Variants in ADAMTSL1 observed in about 807,000 individuals in gnomAD.
ADAMTSL1 encodes ADAMTS like 1, also known as ADAMTS-like protein 1.
Under a neutral mutation model 201.8 loss-of-function variants are expected in ADAMTSL1, and 126 were observed. The observed-to-expected ratio is 0.62, with a 90% CI of 0.54 to 0.72. The LOEUF (loss-of-function observed/expected upper bound fraction) is 0.72, where lower values mean the gene tolerates loss of function less well. Ranked by LOEUF, ADAMTSL1 falls within the 30% of genes least tolerant of loss-of-function variation. The pLI is 0.00. For missense variants in ADAMTSL1, 2,679 were observed against 2,277.8 expected (o/e 1.18, Z -3.59); for synonymous variants, 1,121 against 903.4 (o/e 1.24, Z -4.32).
intron 2 of ADAMTSL1, among the ~76,000 whole-genome samples, chr9:18,268,855 T>A (rs1405300961): frequency 6.6e-6 from 1 of 152,162 alleles, no homozygotes; most frequent in Non-Finnish European, 1.5e-5. Flanking sequence ...TTTTCTTGAG[T>A]TCTTTTTCTC....
chr9:18,310,322 C>T (rs961508229), intron 2 of ADAMTSL1, among the ~76,000 whole-genome samples: 1 of 75,988 alleles, frequency 1.3e-5, no homozygotes, highest in African/African-American at 4.9e-5. Flanking sequence ...CAACAAAAAA[C>T]AAAATTGACA....
Position 18,817,218 on chromosome 9 carries a change from A to C in ADAMTSL1, c.3915A>C (p.Thr1305=). The C allele has an allele frequency of 1.9e-6, 3 of 1,557,914 alleles. No homozygotes were observed. Among genetic ancestry groups the C allele is most frequent in the Non-Finnish European group, 1.7e-6 (2 of 1,150,216 alleles). The part of the protein sequence containing the change: ...TIKTVQGVNV[T]INCQVAGVPE... Reference sequence around the variant, plus strand: ...AAACAGTGCAGGGAGTGAATGTGACAATCAACTGCCAGGTTGCAGGTGAGA... The same window carrying C: ...AAACAGTGCAGGGAGTGAATGTGACCATCAACTGCCAGGTTGCAGGTGAGA... Residue 1305 remains threonine (T), a synonymous_variant, in exon 21 of 29, where the codon ACA becomes ACC. Coordinates refer to ENST00000380548, the MANE Select transcript of ADAMTSL1 (RefSeq NM_001040272.6).
At chr9:18,149,376 T>C (rs956132098) in intron 1 of ADAMTSL1, among the ~76,000 whole-genome samples, 5 of 152,000 alleles carry the variant, frequency 3.3e-5, no homozygotes, top group African/African-American at 1.2e-4. Context: ...GAAAAAATGG[T>C]TGGAGACGAG....
chr9:18,265,188 CCTT>C (rs1051190982), intron 2 of ADAMTSL1, among the ~76,000 whole-genome samples: 1 of 152,154 alleles, frequency 6.6e-6, no homozygotes, highest in African/African-American at 2.4e-5. Flanking sequence ...ATACTGGCCT[CCTT>C]CTGCTCTTTA....
chr9:18,381,934 T>C (rs1837577355), intron 2 of ADAMTSL1, among the ~76,000 whole-genome samples: 1 of 152,168 alleles, frequency 6.6e-6, no homozygotes. Flanking sequence ...CGATGTTTTC[T>C]TTTTCCCTTC....
chr9:18,825,989 T>A, intron 21 of ADAMTSL1: 1 of 556,534 alleles, frequency 1.8e-6, no homozygotes, highest in South Asian at 2.7e-5. Context: ...CTCCTCTTTG[T>A]ACTGGCCTCC....
At chr9:18,801,399 A>T (rs557267782) in intron 20 of ADAMTSL1, among the ~76,000 whole-genome samples, 1 of 152,172 alleles carries the variant, frequency 6.6e-6, no homozygotes, top group African/African-American at 2.4e-5. Flanking sequence ...TTTTAGGTTC[A>T]GGGGTTGAAT....
chr9:18,201,904 CT>C (rs1829463902), intron 2 of ADAMTSL1, among the ~76,000 whole-genome samples: 1 of 152,168 alleles, frequency 6.6e-6, no homozygotes, highest in African/African-American at 2.4e-5. Context: ...GTATAAAACA[CT>C]TAGAAATACC....
intron 1 of ADAMTSL1, among the ~76,000 whole-genome samples, chr9:17,921,340 A>C (rs1286215866): frequency 1.3e-5 from 2 of 152,100 alleles, no homozygotes; most frequent in Non-Finnish European, 2.9e-5. Context: ...TCCTTGTTTT[A>C]TCTCTCTGCC....
chr9:18,832,144 C>T (rs984157130), intron 23 of ADAMTSL1, among the ~76,000 whole-genome samples: 1 of 152,300 alleles, frequency 6.6e-6, no homozygotes, highest in East Asian at 1.9e-4. Flanking sequence ...TCAGCCACAG[C>T]TTGTCCATTC....
At chr9:18,769,268 C>A (rs946493965) in intron 16 of ADAMTSL1, among the ~76,000 whole-genome samples, 2 of 152,212 alleles carry the variant, frequency 1.3e-5, no homozygotes, top group African/African-American at 4.8e-5. Context: ...GGGCACTCCT[C>A]CAGCAAAGCA....
Position 17,961,058 on chromosome 9 carries a change from T to C in ADAMTSL1, c.87+54136T>C, listed in dbSNP as rs150952521. Among the ~76,000 whole-genome samples, 113 of 152,314 alleles carry C rather than the reference T, an allele frequency of 7.4e-4. 2 individuals carry two copies. Among genetic ancestry groups the C allele is most frequent in the African/African-American group, 2.5e-3 (104 of 41,582 alleles). ...TTAATTTTCCTGTGTGCCATTTATC[T>C]ACCTTGGAAATTTAGAAGTTTTGAG... On this transcript the variant is annotated intron_variant, in intron 1 of 29. Transcript: ENST00000680146.
intron 3 of ADAMTSL1, among the ~76,000 whole-genome samples, chr9:18,569,333 G>C (rs138742532): frequency 6.6e-6 from 1 of 152,128 alleles, no homozygotes; most frequent in African/African-American, 2.4e-5. Context: ...GCTCTGACAC[G>C]GTTAGAATTG....
At chr9:18,487,165 AC>A (rs1422106493) in intron 1 of ADAMTSL1, among the ~76,000 whole-genome samples, 4 of 152,180 alleles carry the variant, frequency 2.6e-5, no homozygotes, top group Non-Finnish European at 5.9e-5. Context: ...TGAAAAAATA[AC>A]TCCTAAGTTA....
intron 4 of ADAMTSL1, among the ~76,000 whole-genome samples, chr9:18,585,960 A>C (rs183874880): frequency 2.0e-5 from 3 of 152,220 alleles, no homozygotes; most frequent in Non-Finnish European, 4.4e-5. Context: ...AGAGTCATCT[A>C]TGACAAGCCC....
intron 15 of ADAMTSL1, among the ~76,000 whole-genome samples, chr9:18,748,752 C>T (rs1200372253): frequency 1.3e-5 from 2 of 152,180 alleles, no homozygotes; most frequent in East Asian, 1.9e-4. Flanking sequence ...GCACCATGCT[C>T]AACACTGAGG....
At chr9:18,815,935 G>A (rs935149738) in intron 20 of ADAMTSL1, among the ~76,000 whole-genome samples, 2 of 151,938 alleles carry the variant, frequency 1.3e-5, no homozygotes, top group East Asian at 3.9e-4. Context: ...TGTATACATT[G>A]TATAAAAATC....
intron 1 of ADAMTSL1, among the ~76,000 whole-genome samples, chr9:18,144,670 T>G (rs1038577643): frequency 2.6e-5 from 4 of 152,188 alleles, no homozygotes; most frequent in African/African-American, 9.7e-5. Context: ...AACGAATTTT[T>G]GCAAAGATAC....
chr9:18,271,269 T>C (rs1292586783), intron 2 of ADAMTSL1, among the ~76,000 whole-genome samples: 5 of 152,160 alleles, frequency 3.3e-5, no homozygotes, highest in Non-Finnish European at 7.3e-5. Flanking sequence ...GCCATGTTGG[T>C]GTGCTGCACC....
Sources: allele counts gnomAD v4.1 joint callset (sites outside exome capture counted in the v4.1 genomes callset), GRCh38; gene constraint gnomAD v4.1.1; transcripts MANE v1.5; gene names NCBI Gene and HGNC (gene_info 2026-07-23, HGNC 2026-07-21).